NEK5: variants seen among roughly 807,000 people sequenced by gnomAD.
NEK5 encodes the protein serine/threonine-protein kinase Nek5.
Under a neutral mutation model 109.2 loss-of-function variants are expected in NEK5, and 88 were observed. That is an observed-to-expected ratio of 0.81 (90% CI 0.68 to 0.96). NEK5 has a LOEUF of 0.96. Ranked by LOEUF, NEK5 falls within the 40% of genes least tolerant of loss-of-function variation. NEK5 has a pLI of 0.00. For missense variants in NEK5, 834 were observed against 920.7 expected, an observed-to-expected ratio of 0.91 and a Z score of 1.22; for synonymous variants, 283 against 299.9, an observed-to-expected ratio of 0.94 and a Z score of 0.58.
At chr13:52,093,664 C>CT (rs911352553) in intron 12 of NEK5, among the ~76,000 whole-genome samples, 8 of 151,860 alleles carry the variant, frequency 5.3e-5, no homozygotes, top group Non-Finnish European at 1.0e-4. Flanking sequence ...TTCTTCTATA[C>CT]TTTTTTTTCC....
At chr13:52,087,840 T>C (rs1463252477) in intron 14 of NEK5, among the ~76,000 whole-genome samples, 2 of 151,884 alleles carry the variant, frequency 1.3e-5, no homozygotes, top group Non-Finnish European at 2.9e-5. Context: ...TTAGCCAGGA[T>C]GGTCTCAATC....
chr13:52,101,907 T>C (rs779324949), intron 11 of NEK5, 26 bp downstream of exon 11: 2 of 1,577,046 alleles, frequency 1.3e-6, no homozygotes, highest in South Asian at 2.2e-5. Context: ...TAAATACTTT[T>C]GATTGCATGC....
rs567025714 is a variant in NEK5, at chr13:52,099,150, C to T, written c.1026+593G>A. On this transcript the variant is annotated intron_variant, in intron 12 of 23. Coordinates refer to ENST00000684899, the MANE Select transcript of NEK5 (RefSeq NM_001365552.1). ...TGATGTGCTTATTTCACATTGCTTGCCTGTATCAAAACATCTCATATACCC... is the reference window on the plus strand; with the variant it reads ...TGATGTGCTTATTTCACATTGCTTGTCTGTATCAAAACATCTCATATACCC... 1.1e-3 allele frequency among the ~76,000 whole-genome samples: 171 copies of T among 152,204 alleles called. 1 individual carries two copies. Among genetic ancestry groups the T allele is most frequent in the Non-Finnish European group, 1.8e-3 (121 of 68,008 alleles).
Position 52,127,491 on chromosome 13 carries a change from A to G in NEK5, c.-9T>C, listed in dbSNP as rs371971581. 1.3e-4 allele frequency: 185 copies of G among 1,438,378 alleles called. No homozygotes were observed. The highest frequency in any genetic ancestry group is 1.8e-4 in the Non-Finnish European group (182 of 1,021,168). 89.1% of individuals were successfully genotyped at this position (1,438,378 alleles called of 1,614,324 possible). A position where few individuals can be genotyped will look rare whatever the true frequency, so the allele number is the denominator to read the frequency against. ...ACATCGTACTTATCCATGGTCTCCA[A>G]TGGGCTGAGTTTCCTGGAATTAGAG... On this transcript the variant is annotated 5_prime_UTR_variant, in exon 3 of 24. Coordinates refer to ENST00000684899, the MANE Select transcript of NEK5 (RefSeq NM_001365552.1).
intron 19 of NEK5, among the ~76,000 whole-genome samples, chr13:52,074,986 G>A (rs1355542770): frequency 6.6e-6 from 1 of 152,164 alleles, no homozygotes. Context: ...TATTGGCGAG[G>A]CTGCAGAGAA....
At chr13:52,041,770 C>T (rs993990558) in intron 23 of NEK5, among the ~76,000 whole-genome samples, 2 of 114,562 alleles carry the variant, frequency 1.7e-5, no homozygotes, top group African/African-American at 6.4e-5. Context: ...TGGAAAGGAA[C>T]AAAGAAGAGA....
chr13:52,122,927 T>C (rs1955998261), intron 3 of NEK5, among the ~76,000 whole-genome samples: 1 of 152,236 alleles, frequency 6.6e-6, no homozygotes. Flanking sequence ...TCTTATTTTC[T>C]CCTTTGGCTC....
rs1298216627 is a variant in NEK5, at chr13:52,099,770, T to G, written c.999A>C (p.Pro333=). 13 of 1,613,806 alleles carry G rather than the reference T, an allele frequency of 8.1e-6. No individual in the cohort carries two copies. In the African/African-American group the frequency reaches 1.7e-4, roughly 22 times the overall value. The change falls in exon 12 of 24, where the codon CCA becomes CCC. Residue 333 remains proline (P), a synonymous_variant. Coordinates refer to ENST00000684899, the MANE Select transcript of NEK5 (RefSeq NM_001365552.1). ...ATCTGGCCTTCTGGGCTCCAGCTGG[T>G]GGTCTCCATTCATTTCTATGCAATA... ...NAILHRNEWR[P]PAGAQKARSI... is the part of the protein sequence containing the mutation.
chr13:52,072,365 G>A (rs1486049007), intron 19 of NEK5, among the ~76,000 whole-genome samples: 1 of 152,144 alleles, frequency 6.6e-6, no homozygotes, highest in Non-Finnish European at 1.5e-5. Context: ...ATTCTACAGT[G>A]CTCTCAAGCT....
At chr13:52,037,966 A>T (rs569061684) in intron 23 of NEK5, among the ~76,000 whole-genome samples, 33 of 151,952 alleles carry the variant, frequency 2.2e-4, no homozygotes, top group East Asian at 7.8e-4. Flanking sequence ...ACTAATTCAT[A>T]GAACCAGGAA....
In NEK5 at chr13:52,089,314, CT is replaced by C; in HGVS notation, c.1209-2del. The C allele has an allele frequency of 6.3e-7, 1 of 1,597,460 alleles. No homozygotes were observed. Among genetic ancestry groups the C allele is most frequent in the Non-Finnish European group, 8.6e-7 (1 of 1,166,966 alleles). ...TTTTCTCTGAAGGTACTCAGCAGGCCTTAGAAAATAAGAATGTTCAGCTTAA... is the reference window on the plus strand; with the variant it reads ...TTTTCTCTGAAGGTACTCAGCAGGCCTAGAAAATAAGAATGTTCAGCTTAA... On this transcript the variant is annotated splice_acceptor_variant, in intron 13 of 23. Transcript: ENST00000684899. LOFTEE classifies it high-confidence loss of function.
intron 16 of NEK5, among the ~76,000 whole-genome samples, chr13:52,084,826 G>C (rs1955106262): frequency 7.0e-6 from 1 of 143,164 alleles, no homozygotes; most frequent in Admixed American, 7.0e-5. Flanking sequence ...TTTAGAGCTA[G>C]GGTTTCCCTA....
Position 52,034,575 on chromosome 13 carries a change from G to GTGA in NEK5, c.*2370_*2372dup, listed in dbSNP as rs1954341023. The GTGA allele has an allele frequency of 7.2e-6, 1 of 138,788 alleles. No homozygotes were observed. The allele number at this position is 138,788 out of a possible 1,614,324, so 8.6% of individuals were successfully genotyped here. ...GTCACTCAAGGTGGAGTGCAGTGAT[G>GTGA]TGATCACGGATTATGGCTCACTGTA... On this transcript the variant is annotated 3_prime_UTR_variant, in exon 24 of 24. Coordinates refer to ENST00000684899, the MANE Select transcript of NEK5 (RefSeq NM_001365552.1).
At chr13:52,082,736 T>C (rs979215178) in intron 17 of NEK5, among the ~76,000 whole-genome samples, 48 of 152,216 alleles carry the variant, frequency 3.2e-4, no homozygotes, top group Non-Finnish European at 2.9e-5. Context: ...AACGTTCTTA[T>C]ACTAAATAGC....
chr13:52,096,291 G>A (rs919873722), intron 12 of NEK5, among the ~76,000 whole-genome samples: 2 of 152,202 alleles, frequency 1.3e-5, no homozygotes, highest in Non-Finnish European at 2.9e-5. Flanking sequence ...CTTTGGAACT[G>A]GGTAATGGGC....
intron 12 of NEK5, among the ~76,000 whole-genome samples, chr13:52,095,134 A>G (rs1955377637): frequency 6.6e-6 from 1 of 152,032 alleles, no homozygotes; most frequent in African/African-American, 2.4e-5. Context: ...TGGGGTCTCA[A>G]TGTGTTGACC....
intron 21 of NEK5, among the ~76,000 whole-genome samples, chr13:52,064,482 C>T (rs1411906895): frequency 2.1e-5 from 3 of 145,268 alleles, no homozygotes; most frequent in African/African-American, 5.1e-5. Context: ...CCAGCCGCCC[C>T]GTCTGGGAGG....
intron 20 of NEK5, among the ~76,000 whole-genome samples, chr13:52,070,844 T>G (rs1469861011): frequency 6.6e-6 from 1 of 152,224 alleles, no homozygotes. Context: ...GCACTTAATT[T>G]AGGCACCTAG....
chr13:52,079,683 C>T (rs1366270375), intron 17 of NEK5, among the ~76,000 whole-genome samples: 1 of 152,288 alleles, frequency 6.6e-6, no homozygotes, highest in African/African-American at 2.4e-5. Flanking sequence ...GCCTTGGCCT[C>T]CCAAAGTGCC....
Sources: allele counts gnomAD v4.1 joint callset (sites outside exome capture counted in the v4.1 genomes callset), GRCh38; gene constraint gnomAD v4.1.1; transcripts MANE v1.5; gene names NCBI Gene and HGNC (gene_info 2026-07-23, HGNC 2026-07-21).